Variants in TMCC3 observed in about 807,000 individuals in gnomAD.
TMCC3 encodes transmembrane and coiled-coil domain family 3, also known as transmembrane and coiled-coil domain protein 3.
A neutral mutation model predicts 40.2 loss-of-function variants in TMCC3; 28 were observed. The observed-to-expected ratio is 0.70, with a 90% CI of 0.52 to 0.95. The LOEUF (loss-of-function observed/expected upper bound fraction) is 0.95, where lower values mean the gene tolerates loss of function less well. Ranked by LOEUF, TMCC3 falls within the 40% of genes least tolerant of loss-of-function variation. The pLI is 0.00. For missense variants in TMCC3, 554 were observed against 615.2 expected (o/e 0.90, Z 1.05); for synonymous variants, 255 against 248.5 (o/e 1.03, Z -0.25).
chr12:94,623,145 G>C (rs1450182831), intron 1 of TMCC3, among the ~76,000 whole-genome samples: 1 of 151,722 alleles, frequency 6.6e-6, no homozygotes, highest in Non-Finnish European at 1.5e-5. Context: ...GTTGCCAAGA[G>C]CTCATTATTT....
rs1594268116 is a variant in TMCC3, at chr12:94,581,708, C to G, written c.909G>C (p.Gln303His). 1 of 1,614,210 alleles carries G rather than the reference C, an allele frequency of 6.2e-7. No individual in the cohort carries two copies. Among genetic ancestry groups the G allele is most frequent in the Non-Finnish European group, 8.5e-7 (1 of 1,180,026 alleles). ...TCAGTGCCTCGATGTCCTCAGCCAGCTGAGCTTGGGTATCCTTGATCTCCC... is the reference window on the plus strand; with the variant it reads ...TCAGTGCCTCGATGTCCTCAGCCAGGTGAGCTTGGGTATCCTTGATCTCCC... ...ELREIKDTQAQLAEDIEALKV... is the reference protein window; with the variant it reads ...ELREIKDTQAHLAEDIEALKV... The change falls in exon 2 of 4, where the codon CAG becomes CAC. Residue 303 changes from glutamine (Q) to histidine (H), a missense_variant. Gln to His is a conservative substitution (Grantham distance 24). Transcript: ENST00000261226.
chr12:94,641,339 C>T (rs1409652733), intron 1 of TMCC3, among the ~76,000 whole-genome samples: 3 of 152,096 alleles, frequency 2.0e-5, no homozygotes, highest in Non-Finnish European at 4.4e-5. Flanking sequence ...AAGGGCGGTT[C>T]AAAGAATGAA....
intron 1 of TMCC3, among the ~76,000 whole-genome samples, chr12:94,623,143 G>A (rs1222254322): frequency 6.6e-6 from 1 of 151,404 alleles, no homozygotes; most frequent in African/African-American, 2.4e-5. Context: ...ATGTTGCCAA[G>A]AGCTCATTAT....
chr12:94,585,152 G>A (rs2068630538), intron 1 of TMCC3, among the ~76,000 whole-genome samples: 1 of 152,086 alleles, frequency 6.6e-6, no homozygotes, highest in African/African-American at 2.4e-5. Flanking sequence ...GCTTCCTAAT[G>A]GCTACTAAAT....
intron 1 of TMCC3, among the ~76,000 whole-genome samples, chr12:94,635,577 T>G (rs1275711800): frequency 6.6e-6 from 1 of 152,162 alleles, no homozygotes; most frequent in Non-Finnish European, 1.5e-5. Flanking sequence ...CACAAAACTT[T>G]GCTATCTTTT....
Position 94,568,342 on chromosome 12 carries a change from A to T in TMCC3, c.*3093T>A, listed in dbSNP as rs1168211226. 2.7e-5 allele frequency: 4 copies of T among 150,922 alleles called. No individual in the cohort carries two copies. The highest frequency in any genetic ancestry group is 5.9e-5 in the Non-Finnish European group (4 of 67,904). 9.3% of individuals were successfully genotyped at this position (150,922 alleles called of 1,614,324 possible). ...AGTTTGAGCTTGAAATAACCAACTC[A>T]AGACCCACAGGAGACTATGTCACCA... On this transcript the variant is annotated 3_prime_UTR_variant, in exon 4 of 4. Transcript: ENST00000261226.
Position 94,649,470 on chromosome 12 carries a change from A to G in TMCC3, c.78+883T>C, listed in dbSNP as rs914056193. On this transcript the variant is annotated intron_variant, in intron 1 of 3. Transcript: ENST00000261226. ...AGTTGGCGGAGCAAAGAACAACTCCAGGTGCCTCCTGCCAGAACAGATGCC... is the reference window on the plus strand; with the variant it reads ...AGTTGGCGGAGCAAAGAACAACTCCGGGTGCCTCCTGCCAGAACAGATGCC... Among the ~76,000 whole-genome samples, 13 of 152,258 alleles carry G rather than the reference A, an allele frequency of 8.5e-5. 1 individual carries two copies. Among genetic ancestry groups the G allele is most frequent in the Non-Finnish European group, 1.9e-4 (13 of 68,028 alleles).
chr12:94,574,799 G>T (rs1383873711), intron 3 of TMCC3, among the ~76,000 whole-genome samples: 1 of 152,182 alleles, frequency 6.6e-6, no homozygotes. Flanking sequence ...GCATAACACA[G>T]AAAAGGTGAT....
intron 1 of TMCC3, chr12:94,598,850 AT>A (rs2138847148): frequency 1.2e-6 from 1 of 838,498 alleles, no homozygotes; most frequent in African/African-American, 1.8e-5. Context: ...GATTTTAAAG[AT>A]AAACACTGTA....
At chr12:94,618,549 G>A (rs760916665) in intron 1 of TMCC3, among the ~76,000 whole-genome samples, 1 of 152,198 alleles carries the variant, frequency 6.6e-6, no homozygotes, top group Non-Finnish European at 1.5e-5. Context: ...CAGAGCTAAT[G>A]GTCTTTAGGA....
rs2068694309 is a variant in TMCC3, at chr12:94,593,423, G to GGAAGAA, written c.79-10891_79-10886dup. Among the ~76,000 whole-genome samples the GGAAGAA allele has an allele frequency of 8.9e-5, 2 of 22,560 alleles. 1 individual carries two copies. The highest frequency in any genetic ancestry group is 2.1e-4 in the Non-Finnish European group (2 of 9,520). The allele number at this position is 22,560 out of a possible 152,430, so 14.8% of individuals were successfully genotyped here. On this transcript the variant is annotated intron_variant, in intron 1 of 3. Transcript: ENST00000261226. ...AAAGAAGAAGAAGGAAGAAGAAGAAGGAAGAAGAAGGAGAAGGAGAAGGAG... is the reference window on the plus strand; with the variant it reads ...AAAGAAGAAGAAGGAAGAAGAAGAAGGAAGAAGAAGAAGAAGGAGAAGGAGAAGGAG...
intron 1 of TMCC3, among the ~76,000 whole-genome samples, chr12:94,617,398 G>A (rs1566329926): frequency 6.6e-6 from 1 of 152,078 alleles, no homozygotes. Flanking sequence ...AACCTTTTTG[G>A]GACTCTGGTC....
At chr12:94,615,559 G>C (rs1183055572) in intron 1 of TMCC3, among the ~76,000 whole-genome samples, 1 of 152,218 alleles carries the variant, frequency 6.6e-6, no homozygotes, top group Non-Finnish European at 1.5e-5. Flanking sequence ...AGCCTGGTTA[G>C]ACCCGGGGTT....
At chr12:94,583,482 T>G (rs545579722) in intron 1 of TMCC3, among the ~76,000 whole-genome samples, 1 of 152,134 alleles carries the variant, frequency 6.6e-6, no homozygotes, top group South Asian at 2.1e-4. Context: ...CTATCTAGAC[T>G]GGGCAACAGA....
At chr12:94,637,983 C>T (rs1194538458) in intron 1 of TMCC3, among the ~76,000 whole-genome samples, 2 of 152,094 alleles carry the variant, frequency 1.3e-5, no homozygotes, top group African/African-American at 2.4e-5. Context: ...GGCAGGTACC[C>T]ACAGGCACAG....
intron 1 of TMCC3, among the ~76,000 whole-genome samples, chr12:94,639,604 A>G (rs2068978166): frequency 6.6e-6 from 1 of 151,654 alleles, no homozygotes; most frequent in Non-Finnish European, 1.5e-5. Flanking sequence ...AAATAAATAA[A>G]TTGATGAGTA....
chr12:94,602,887 A>T (rs1274535), intron 1 of TMCC3, among the ~76,000 whole-genome samples: 1 of 152,036 alleles, frequency 6.6e-6, no homozygotes, highest in South Asian at 2.1e-4. Context: ...GGATCCAATT[A>T]ACCTTAGGTC....
chr12:94,620,647 T>C (rs1456437182), intron 1 of TMCC3, among the ~76,000 whole-genome samples: 1 of 152,092 alleles, frequency 6.6e-6, no homozygotes, highest in African/African-American at 2.4e-5. Flanking sequence ...GAAAAAAATG[T>C]GAACCTTTAT....
chr12:94,616,691 G>A (rs1039374305), intron 1 of TMCC3, among the ~76,000 whole-genome samples: 1 of 152,180 alleles, frequency 6.6e-6, no homozygotes, highest in Non-Finnish European at 1.5e-5. Context: ...TAAGAGGAAA[G>A]GGGGAGGGGA....
Sources: gnomAD v4.1 joint callset for allele counts (sites outside exome capture counted in the v4.1 genomes callset) on GRCh38, gnomAD v4.1.1 for gene constraint, MANE v1.5 for transcripts, NCBI Gene and HGNC (gene_info 2026-07-23, HGNC 2026-07-21) for gene names.